The following ATXN1 variants were observed in gnomAD, a reference collection of about 807,000 sequenced individuals.
ATXN1 encodes the protein ataxin-1.
In ATXN1, 8 loss-of-function variants were observed where a neutral mutation model predicts 56.4. That is an observed-to-expected ratio of 0.14 (90% confidence interval 0.08 to 0.26). The LOEUF (loss-of-function observed/expected upper bound fraction) is 0.26. Ranked by LOEUF, ATXN1 falls within the 10% of genes least tolerant of loss-of-function variation. The pLI, the probability that ATXN1 is intolerant of heterozygous loss-of-function variation, is 1.00. For missense variants in ATXN1, 987 were observed against 1,106.5 expected (o/e 0.89, Z 1.53); for synonymous variants, 514 against 494.6 (o/e 1.04, Z -0.52).
rs151260593 is a variant in ATXN1 at position 16,430,726 on chromosome 6, CGT to C, written c.-161+55244_-161+55245del. 2.8e-3 allele frequency among the ~76,000 whole-genome samples: 423 copies of C among 150,008 alleles called. 3 individuals carry two copies. Among genetic ancestry groups the C allele is most frequent in the African/African-American group, 8.1e-3 (330 of 40,894 alleles). On this transcript the variant is annotated intron_variant, in intron 6 of 7. Coordinates refer to ENST00000436367, the MANE Select transcript of ATXN1 (RefSeq NM_001128164.2). ...CTGCTGGTGTGTGTGTGTGTGTGCG[CGT>C]GTGTGTGTGTGTGTATGTGTGTGTA... is the stretch of plus-strand genomic sequence containing the variant.
chr6:16,555,721 G>A (rs1358821312), intron 4 of ATXN1, among the ~76,000 whole-genome samples: 1 of 152,162 alleles, frequency 6.6e-6, no homozygotes, highest in African/African-American at 2.4e-5. Flanking sequence ...TGTGTAGTGT[G>A]TCCCAAGCAA....
At chr6:16,558,611 T>C (rs769968556) in intron 4 of ATXN1, among the ~76,000 whole-genome samples, 31 of 152,190 alleles carry the variant, frequency 2.0e-4, no homozygotes, top group Non-Finnish European at 3.8e-4. Flanking sequence ...CCTCAAGTGA[T>C]GCTCTCGCCT....
At chr6:16,586,064 C>CACACACACACAT (rs1762618629) in intron 3 of ATXN1, among the ~76,000 whole-genome samples, 157 bp from the exon 4 acceptor site, 1 of 152,078 alleles carries the variant, frequency 6.6e-6, no homozygotes, top group Non-Finnish European at 1.5e-5. Flanking sequence ...CACACACACA[C>CACACACACACAT]ACAAGGTTTT....
chr6:16,550,113 A>G (rs1761891914), intron 4 of ATXN1, among the ~76,000 whole-genome samples: 1 of 149,256 alleles, frequency 6.7e-6, no homozygotes, highest in Admixed American at 6.7e-5. Flanking sequence ...CATGTTCTAC[A>G]TATGTACCCC....
intron 6 of ATXN1, among the ~76,000 whole-genome samples, chr6:16,396,665 A>G (rs1283806054): frequency 6.6e-6 from 1 of 152,250 alleles, no homozygotes; most frequent in Non-Finnish European, 1.5e-5. Flanking sequence ...GGGTACAGTG[A>G]TACAGTGATG....
chr6:16,360,463 C>G (rs1322094940), intron 6 of ATXN1, among the ~76,000 whole-genome samples: 1 of 152,168 alleles, frequency 6.6e-6, no homozygotes, highest in Non-Finnish European at 1.5e-5. Flanking sequence ...ATTTGAACAT[C>G]TCATGCCTGG....
chr6:16,616,052 A>G (rs761711690), intron 3 of ATXN1: 9 of 150,782 alleles, frequency 6.0e-5, no homozygotes, highest in Non-Finnish European at 1.2e-4. Context: ...AAAAAAATTA[A>G]ATTCAGGAAT....
chr6:16,533,739 C>G (rs926744594), intron 4 of ATXN1, among the ~76,000 whole-genome samples: 13 of 152,154 alleles, frequency 8.5e-5, no homozygotes, highest in Non-Finnish European at 1.8e-4. Context: ...CTTTCCCTAA[C>G]CATTCTCCTT....
At chr6:16,402,796 C>T (rs1758604982) in intron 6 of ATXN1, among the ~76,000 whole-genome samples, 1 of 152,188 alleles carries the variant, frequency 6.6e-6, no homozygotes, top group Non-Finnish European at 1.5e-5. Context: ...GCAGAAAAGG[C>T]CAGAGGGCAA....
chr6:16,583,934 T>C (rs1762572286), intron 4 of ATXN1, among the ~76,000 whole-genome samples: 1 of 152,164 alleles, frequency 6.6e-6, no homozygotes, highest in Non-Finnish European at 1.5e-5. Flanking sequence ...ATACCCTACA[T>C]TTGTTTACTT....
At chr6:16,653,649 CAG>C (rs1758129031) in intron 3 of ATXN1, among the ~76,000 whole-genome samples, 1 of 152,178 alleles carries the variant, frequency 6.6e-6, no homozygotes, top group Admixed American at 6.5e-5. Flanking sequence ...TTACCACCAA[CAG>C]AGTTAGTGAT....
At chr6:16,614,481 T>G (rs1369241426) in intron 3 of ATXN1, among the ~76,000 whole-genome samples, 1 of 151,834 alleles carries the variant, frequency 6.6e-6, no homozygotes, top group Non-Finnish European at 1.5e-5. Context: ...ATTATCATTA[T>G]CAAAGCGGCC....
chr6:16,617,692 G>A (rs1419731215), intron 3 of ATXN1, among the ~76,000 whole-genome samples: 4 of 150,756 alleles, frequency 2.7e-5, no homozygotes, highest in African/African-American at 9.8e-5. Flanking sequence ...GCCTGAACCC[G>A]TGAGGCGGAG....
intron 2 of ATXN1, among the ~76,000 whole-genome samples, chr6:16,733,198 G>T (rs879664275): frequency 1.3e-5 from 2 of 152,166 alleles, no homozygotes; most frequent in Non-Finnish European, 2.9e-5. Flanking sequence ...AATGGTTTTT[G>T]ATTGTGTTAT....
chr6:16,313,707 C>T (rs1280281968), intron 7 of ATXN1, among the ~76,000 whole-genome samples: 1 of 151,972 alleles, frequency 6.6e-6, no homozygotes, highest in African/African-American at 2.4e-5. Context: ...CAGGTGCCCA[C>T]CACCACCCCT....
intron 2 of ATXN1, among the ~76,000 whole-genome samples, chr6:16,675,882 C>A (rs1331904478): frequency 6.6e-6 from 1 of 151,952 alleles, no homozygotes; most frequent in Non-Finnish European, 1.5e-5. Flanking sequence ...GAGTGAGACT[C>A]TTTCTCAAAA....
chr6:16,683,017 T>C (rs1257055815), intron 2 of ATXN1, among the ~76,000 whole-genome samples: 1 of 152,118 alleles, frequency 6.6e-6, no homozygotes, highest in Non-Finnish European at 1.5e-5. Flanking sequence ...TGCTCTGGCA[T>C]AAAAAGCCTT....
chr6:16,425,853 T>A (rs1759141923), intron 6 of ATXN1, among the ~76,000 whole-genome samples: 1 of 152,034 alleles, frequency 6.6e-6, no homozygotes, highest in South Asian at 2.1e-4. Flanking sequence ...GTGTTCCACA[T>A]CCCGTAGCAG....
chr6:16,687,087 T>C (rs531456344), intron 2 of ATXN1, among the ~76,000 whole-genome samples: 14 of 152,314 alleles, frequency 9.2e-5, no homozygotes, highest in Middle Eastern at 3.4e-3. Context: ...CACCAAGCCA[T>C]TGGCATGTAA....
Sources: gnomAD v4.1 joint callset for allele counts (sites outside exome capture counted in the v4.1 genomes callset) on GRCh38, gnomAD v4.1.1 for gene constraint, MANE v1.5 for transcripts, NCBI Gene and HGNC (gene_info 2026-07-23, HGNC 2026-07-21) for gene names.